CTSV: variants seen among roughly 807,000 people sequenced by gnomAD.
The protein encoded by CTSV is cathepsin L2.
CTSV carries 33 observed loss-of-function variants against 35.6 expected under a neutral mutation model. The observed-to-expected ratio is 0.93, with a 90% CI of 0.70 to 1.24. The LOEUF (loss-of-function observed/expected upper bound fraction) is 1.24, where lower values mean the gene tolerates loss of function less well. Among genes scored for constraint, CTSV ranks in the 50% most tolerant of loss-of-function variants. The pLI is 0.00. For synonymous variants in CTSV, 154 were observed against 147.1 expected (o/e 1.05, Z -0.34); for missense variants, 408 against 413.1 (o/e 0.99, Z 0.11).
Position 97,032,913 on chromosome 9 carries a change from C to CT in CTSV, c.*35dup, listed in dbSNP as rs1828778423. The CT allele has an allele frequency of 6.7e-7, 1 of 1,482,150 alleles. No homozygotes were observed. Among genetic ancestry groups the CT allele is most frequent in the African/African-American group, 1.4e-5 (1 of 71,484 alleles). The allele number at this position is 1,482,150 out of a possible 1,614,324, so 91.8% of individuals were successfully genotyped here. A position where few individuals can be genotyped will look rare whatever the true frequency, so the allele number is the denominator to read the frequency against. On this transcript the variant is annotated 3_prime_UTR_variant, in exon 8 of 8. Coordinates refer to ENST00000259470, the MANE Select transcript of CTSV (RefSeq NM_001333.4). ...TCAAGATAAAATTTCCCCAGACATGCTGTCCTTAAGTCCTTCCTCCTCACC... is the reference window on the plus strand; with the variant it reads ...TCAAGATAAAATTTCCCCAGACATGCTTGTCCTTAAGTCCTTCCTCCTCACC...
In CTSV at chr9:97,037,613, A is replaced by T. The variant is rs917725859; in HGVS notation, c.129T>A (p.Asn43Lys). 6.2e-7 allele frequency: 1 copy of T among 1,613,728 alleles called. No individual in the cohort carries two copies. Among genetic ancestry groups the T allele is most frequent in the African/African-American group, 1.3e-5 (1 of 74,870 alleles). ...ACACTGCTCTCCTCCATCCTTCTTCATTCTAGAGGCAAACATATAGCTGGT... is the reference window on the plus strand; with the variant it reads ...ACACTGCTCTCCTCCATCCTTCTTCTTTCTAGAGGCAAACATATAGCTGGT... ...KATHRRLYGA[N>K]EEGWRRAVWE... is the part of the protein sequence containing the mutation. Residue 43 changes from asparagine (N) to lysine (K), a missense_variant and splice_region_variant, in exon 3 of 8, where the codon AAT (asparagine) becomes AAA (lysine). Coordinates refer to ENST00000259470, the MANE Select transcript of CTSV (RefSeq NM_001333.4).
In CTSV at chr9:97,037,310, T is replaced by C. The variant is rs778852809; in HGVS notation, c.338A>G (p.Asp113Gly). The change falls in exon 4 of 8, where the codon GAT becomes GGT. Residue 113 changes from aspartate (D) to glycine (G), a missense_variant. Physicochemically the swap from Asp to Gly is moderately conservative, Grantham distance 94. Coordinates refer to ENST00000259470, the MANE Select transcript of CTSV (RefSeq NM_001333.4). ...GKVFREPLFLDLPKSVDWRKK... is the reference protein window; with the variant it reads ...GKVFREPLFLGLPKSVDWRKK... ...TCTCCAATCCACAGATTTGGGAAGA[T>C]CAAGAAACAGAGGCTCACGGAACAC... 6.2e-7 allele frequency: 1 copy of C among 1,614,202 alleles called. No homozygotes were observed. Among genetic ancestry groups the C allele is most frequent in the Admixed American group, 1.7e-5 (1 of 60,030 alleles).
chr9:97,033,226 C>T (rs1256361740), intron 7 of CTSV, among the ~76,000 whole-genome samples, 178 bp from the exon 8 acceptor site: 1 of 152,132 alleles, frequency 6.6e-6, no homozygotes, highest in Non-Finnish European at 1.5e-5. Flanking sequence ...CCTGCAATCC[C>T]AGCACTTTGG....
At chr9:97,035,504 T>G (rs1157697329) in intron 6 of CTSV, 24 bp downstream of exon 6, 1 of 1,454,414 alleles carries the variant, frequency 6.9e-7, no homozygotes, top group Non-Finnish European at 9.2e-7. Context: ...TCTGCCTAAA[T>G]TTCTATAATA....
rs1828904030 is a variant in CTSV, at chr9:97,038,842, C to T, written c.-11+229G>A. Among the ~76,000 whole-genome samples, 3 of 152,178 alleles carry T rather than the reference C, an allele frequency of 2.0e-5. No individual in the cohort carries two copies. In the South Asian group the frequency reaches 6.2e-4, roughly 31 times the overall value. On this transcript the variant is annotated intron_variant, in intron 1 of 7. Coordinates refer to ENST00000259470, the MANE Select transcript of CTSV (RefSeq NM_001333.4). ...CATGAAGCCGCCCGGTCCGGTCCGG[C>T]TTCAGCCCACAGGATGACTGACCTG...
intron 1 of CTSV, chr9:97,038,297 C>A (rs185526681): frequency 8.5e-6 from 3 of 353,278 alleles, no homozygotes; most frequent in Non-Finnish European, 1.1e-5. Context: ...GTGAAAGATA[C>A]CTGACGGGTG....
chr9:97,034,984 A>C (rs1828821171), intron 6 of CTSV, 141 bp from the exon 7 acceptor site: 2 of 612,566 alleles, frequency 3.3e-6, no homozygotes, highest in Non-Finnish European at 5.6e-6. Flanking sequence ...CCCAAACAAT[A>C]TTGGCCGGAA....
chr9:97,033,503 G>A (rs1254748580), intron 7 of CTSV, among the ~76,000 whole-genome samples: 1 of 151,964 alleles, frequency 6.6e-6, no homozygotes, highest in Non-Finnish European at 1.5e-5. Context: ...CAGCTACTTG[G>A]GAGGCTGAGG....
intron 5 of CTSV, 162 bp downstream of exon 5, chr9:97,036,361 G>A (rs565098116): frequency 1.3e-5 from 9 of 674,714 alleles, no homozygotes; most frequent in South Asian, 3.5e-5. Context: ...GATCCACCAC[G>A]CCTGGCCAAA....
chr9:97,037,967 T>C lies in CTSV; in HGVS notation c.77A>G (p.Asp26Gly). Residue 26 changes from aspartate to glycine, a missense_variant, in exon 2 of 8, where the codon GAT becomes GGT. Transcript: ENST00000259470. ...SAVPKFDQNL[D>G]TKWYQWKATH... ...TGCCTTCCACTGGTACCACTTTGTA[T>C]CCAAATTTTGGTCAAATTTTGGAAC... 1.2e-6 allele frequency: 2 copies of C among 1,614,012 alleles called. No homozygotes were observed. Among genetic ancestry groups the C allele is most frequent in the Non-Finnish European group, 1.7e-6 (2 of 1,180,000 alleles).
At chr9:97,033,997 T>C (rs551813341) in intron 7 of CTSV, among the ~76,000 whole-genome samples, 43 of 152,244 alleles carry the variant, frequency 2.8e-4, no homozygotes, top group African/African-American at 1.0e-3. Flanking sequence ...CTTGGGAGGC[T>C]GAGGCAGGAG....
chr9:97,036,330 C>T (rs1828849409), intron 5 of CTSV, 193 bp downstream of exon 5: 1 of 613,500 alleles, frequency 1.6e-6, no homozygotes, highest in African/African-American at 1.8e-5. Flanking sequence ...CTCGGCCTCC[C>T]AAACTGCTGG....
intron 7 of CTSV, among the ~76,000 whole-genome samples, chr9:97,034,110 A>G (rs922753831): frequency 6.6e-6 from 1 of 152,188 alleles, no homozygotes; most frequent in Non-Finnish European, 1.5e-5. Context: ...AAATAAATAA[A>G]CAAATGAATG....
chr9:97,037,305 G>A lies in CTSV; in HGVS notation c.343C>T (p.Pro115Ser). ...TTCTTTCTCCAATCCACAGATTTGGGAAGATCAAGAAACAGAGGCTCACGG... is the reference window on the plus strand; with the variant it reads ...TTCTTTCTCCAATCCACAGATTTGGAAAGATCAAGAAACAGAGGCTCACGG... ...VFREPLFLDL[P>S]KSVDWRKKGY... Residue 115 changes from proline (P) to serine (S), a missense_variant, in exon 4 of 8, where the codon CCC becomes TCC. Physicochemically the swap from Pro to Ser is moderately conservative, Grantham distance 74. Transcript: ENST00000259470. The A allele has an allele frequency of 3.1e-6, 5 of 1,614,150 alleles. No homozygotes were observed. The highest frequency in any genetic ancestry group is 2.2e-5 in the East Asian group (1 of 44,880).
At position 97,036,580 on chromosome 9, in the gene CTSV, C is replaced by G; in HGVS notation, c.564G>C (p.Gln188His). 6.2e-7 allele frequency: 1 copy of G among 1,614,084 alleles called. No individual in the cohort carries two copies. The highest frequency in any genetic ancestry group is 1.1e-5 in the South Asian group (1 of 91,080). Residue 188 changes from glutamine (Q) to histidine (H), a missense_variant, in exon 5 of 8, where the codon CAG becomes CAC. By Grantham distance (24) the Gln-to-His change is conservative. Coordinates refer to ENST00000259470, the MANE Select transcript of CTSV (RefSeq NM_001333.4). ...CCAGGCCTCCGTTCTCCTTGACATACTGGAAGGCCCTAGCCATGAAGCCAC... is the reference window on the plus strand; with the variant it reads ...CCAGGCCTCCGTTCTCCTTGACATAGTGGAAGGCCCTAGCCATGAAGCCAC... Reference protein sequence around the residue: ...CNGGFMARAFQYVKENGGLDS... With the variant: ...CNGGFMARAFHYVKENGGLDS...
In CTSV at chr9:97,033,248, G is replaced by C. The variant is rs560934592; in HGVS notation, c.906-200C>G. ...TCCCAGCACTTTGGGAGGCCGAGGT[G>C]GGCAGATCACTTGAGGTCAGGAGTT... On this transcript the variant is annotated intron_variant, in intron 7 of 7. Transcript: ENST00000259470. Among the ~76,000 whole-genome samples, 22 of 152,008 alleles carry C rather than the reference G, an allele frequency of 1.4e-4. No individual in the cohort carries two copies. The East Asian group carries it at 4.3e-3, about 29-fold the overall frequency.
At chr9:97,038,407 G>A (rs1418565541) in intron 1 of CTSV, 1 of 185,250 alleles carries the variant, frequency 5.4e-6, no homozygotes, top group Non-Finnish European at 1.2e-5. Context: ...TAATGAAGAC[G>A]TACCATCCCA....
Position 97,033,058 on chromosome 9 carries a change from G to C in CTSV, c.906-10C>G, listed in dbSNP as rs1373370344. On this transcript the variant is annotated splice_polypyrimidine_tract_variant and intron_variant, in intron 7 of 7. Coordinates refer to ENST00000259470, the MANE Select transcript of CTSV (RefSeq NM_001333.4). ...CCATTCTGGACCCCAGCTGAAAGAG[G>C]AGCAGGTTTTCCATTTTATACAAGG... is the stretch of plus-strand genomic sequence containing the variant. 6.3e-7 allele frequency: 1 copy of C among 1,596,228 alleles called. No homozygotes were observed. The highest frequency in any genetic ancestry group is 8.5e-7 in the Non-Finnish European group (1 of 1,169,828).
intron 6 of CTSV, among the ~76,000 whole-genome samples, 181 bp from the exon 7 acceptor site, chr9:97,035,024 C>A (rs1828821817): frequency 6.6e-6 from 1 of 152,150 alleles, no homozygotes; most frequent in East Asian, 1.9e-4. Flanking sequence ...GGAAAAAAGT[C>A]AACCTCAACT....
Sources: allele counts gnomAD v4.1 joint callset (sites outside exome capture counted in the v4.1 genomes callset), GRCh38; gene constraint gnomAD v4.1.1; transcripts MANE v1.5; gene names NCBI Gene and HGNC (gene_info 2026-07-23, HGNC 2026-07-21).